Variants in ABTB3 observed in about 807,000 individuals in gnomAD.
ABTB3 encodes ankyrin repeat- and BTB/POZ domain-containing protein 3.
the ABTB3 span, among the ~76,000 whole-genome samples, chr12:107,627,540 C>T: frequency 6.6e-6 from 1 of 152,214 alleles, no homozygotes; most frequent in Non-Finnish European, 1.5e-5. Context: ...GTGAGGTCAC[C>T]CTGTCACTCT....
chr12:107,417,759 A>C, the ABTB3 span, among the ~76,000 whole-genome samples: 1 of 152,224 alleles, frequency 6.6e-6, no homozygotes, highest in Admixed American at 6.5e-5. Context: ...CTCACACTGC[A>C]TACCCTGATG....
chr12:107,385,453 G>T, the ABTB3 span, among the ~76,000 whole-genome samples: 4 of 152,352 alleles, frequency 2.6e-5, no homozygotes, highest in South Asian at 2.1e-4. Context: ...GCCTGGTGTG[G>T]TCTCCCATTA....
At chr12:107,574,748 G>A in the ABTB3 span, among the ~76,000 whole-genome samples, 25 of 152,290 alleles carry the variant, frequency 1.6e-4, no homozygotes, top group African/African-American at 5.1e-4. Context: ...AAGAAATGCA[G>A]AATCTCAGGC....
At chr12:107,389,063 G>A in the ABTB3 span, among the ~76,000 whole-genome samples, 1 of 151,738 alleles carries the variant, frequency 6.6e-6, no homozygotes, top group African/African-American at 2.4e-5. Context: ...ATAGATATGA[G>A]CTGCAGGTGA....
the ABTB3 span, among the ~76,000 whole-genome samples, chr12:107,363,024 T>C: frequency 1.3e-5 from 2 of 152,208 alleles, no homozygotes; most frequent in Admixed American, 1.3e-4. Flanking sequence ...TCAGCCATTA[T>C]AAAGCTGCCT....
the ABTB3 span, among the ~76,000 whole-genome samples, chr12:107,377,179 T>C: frequency 1.3e-5 from 2 of 152,144 alleles, no homozygotes; most frequent in East Asian, 1.9e-4. Flanking sequence ...AGGCAGCCCA[T>C]GTCCAGGGAC....
the ABTB3 span, among the ~76,000 whole-genome samples, chr12:107,600,835 A>G: frequency 6.6e-6 from 1 of 152,214 alleles, no homozygotes; most frequent in Non-Finnish European, 1.5e-5. Context: ...CAGAGCTCTC[A>G]CGAGGCCCTG....
At chr12:107,521,281 G>GTA in the ABTB3 span, among the ~76,000 whole-genome samples, 1 of 151,504 alleles carries the variant, frequency 6.6e-6, no homozygotes, top group African/African-American at 2.4e-5. Context: ...GTGTGTGTGT[G>GTA]TGTGTGTGTG....
the ABTB3 span, among the ~76,000 whole-genome samples, chr12:107,379,261 A>C: frequency 1.3e-5 from 2 of 152,160 alleles, no homozygotes; most frequent in East Asian, 3.9e-4. Context: ...TTAGTAGACC[A>C]GTTGATAGGG....
chr12:107,389,704 A>T, the ABTB3 span, among the ~76,000 whole-genome samples: 3 of 152,058 alleles, frequency 2.0e-5, no homozygotes, highest in East Asian at 3.9e-4. Context: ...TTCTGCTCCA[A>T]CAACGTCAGC....
the ABTB3 span, among the ~76,000 whole-genome samples, chr12:107,616,264 G>A: frequency 6.6e-6 from 1 of 152,214 alleles, no homozygotes; most frequent in Non-Finnish European, 1.5e-5. Context: ...AAGCCACACA[G>A]AAGTCAGGCA....
chr12:107,581,112 G>C, the ABTB3 span: 1 of 1,546,174 alleles, frequency 6.5e-7, no homozygotes, highest in Admixed American at 2.0e-5. Flanking sequence ...CCTCCGGGGA[G>C]GCCCTAACGC....
the ABTB3 span, among the ~76,000 whole-genome samples, chr12:107,336,989 A>T: frequency 6.6e-6 from 1 of 152,382 alleles, no homozygotes; most frequent in African/African-American, 2.4e-5. Context: ...TCAGCCCTGA[A>T]CAACGCTCCT....
chr12:107,652,349 A>G, the ABTB3 span, among the ~76,000 whole-genome samples: 3 of 152,194 alleles, frequency 2.0e-5, no homozygotes, highest in East Asian at 1.9e-4. Flanking sequence ...ATTGTTCTCA[A>G]TGCCAGCTGC....
the ABTB3 span, among the ~76,000 whole-genome samples, chr12:107,578,219 C>T: frequency 6.6e-6 from 1 of 151,814 alleles, no homozygotes; most frequent in African/African-American, 2.4e-5. Context: ...CTATTAAGGT[C>T]AGAGTGACAA....
At chr12:107,550,563 TTTTCTTTC>T in the ABTB3 span, among the ~76,000 whole-genome samples, 24 of 148,328 alleles carry the variant, frequency 1.6e-4, no homozygotes, top group Non-Finnish European at 2.7e-4. Flanking sequence ...ATTCTTCTAA[TTTTCTTTC>T]TTTCTTTCTT....
At chr12:107,581,224 C>A in the ABTB3 span, 1 of 1,535,766 alleles carries the variant, frequency 6.5e-7, no homozygotes, top group Non-Finnish European at 8.7e-7. Context: ...ACCGCCGCAG[C>A]TTCTCCATGG....
chr12:107,469,956 CTTTCTTTCTT>C, the ABTB3 span, among the ~76,000 whole-genome samples: 1 of 67,142 alleles, frequency 1.5e-5, no homozygotes, highest in African/African-American at 9.5e-5. Flanking sequence ...TTCTTTCTTT[CTTTCTTTCTT>C]TCTTTCTTTC....
the ABTB3 span, among the ~76,000 whole-genome samples, chr12:107,482,813 C>T: frequency 6.1e-5 from 9 of 148,044 alleles, no homozygotes; most frequent in South Asian, 2.1e-4. Context: ...CTTTTTTTTT[C>T]TTTCTTTCTT....
Sources: gnomAD v4.1 joint callset for allele counts (sites outside exome capture counted in the v4.1 genomes callset) on GRCh38, gnomAD v4.1.1 for gene constraint, MANE v1.5 for transcripts, NCBI Gene and HGNC (gene_info 2026-07-23, HGNC 2026-07-21) for gene names.